Variants in TXNL4A observed in about 807,000 individuals in gnomAD.
The protein encoded by TXNL4A is thioredoxin like 4A.
In TXNL4A, 17 loss-of-function variants were observed where a neutral mutation model predicts 14.6. The ratio of observed to expected loss-of-function variants is 1.16; its 90% CI spans 0.80 to 1.74. The LOEUF (loss-of-function observed/expected upper bound fraction) is 1.74. Ranked by LOEUF, TXNL4A falls within the 40% of genes most tolerant of loss-of-function variation. The pLI is 0.00. For synonymous variants in TXNL4A, 83 were observed against 70.6 expected (o/e 1.18, Z -0.88); for missense variants, 74 against 195.2 (o/e 0.38, Z 3.70).
chr18:80,030,500 C>T (rs993845383), intron 1 of TXNL4A: 1 of 152,220 alleles, frequency 6.6e-6, no homozygotes, highest in Non-Finnish European at 1.5e-5. Context: ...ATAAGAACAC[C>T]TGCTTGATAT....
intron 1 of TXNL4A, among the ~76,000 whole-genome samples, chr18:80,022,681 G>T (rs2051857681): frequency 6.6e-6 from 1 of 152,180 alleles, no homozygotes; most frequent in Admixed American, 6.5e-5. Flanking sequence ...TCTAGAGAGT[G>T]GGAGACAAGG....
upstream of TXNL4A, among the ~76,000 whole-genome samples, chr18:79,990,631 C>A (rs1024782443): frequency 2.0e-5 from 3 of 152,214 alleles, no homozygotes; most frequent in African/African-American, 7.2e-5. Context: ...GCATTTTATT[C>A]ACAGGAGAGT....
intron 1 of TXNL4A, among the ~76,000 whole-genome samples, chr18:79,996,777 T>C (rs1336002453): frequency 8.5e-5 from 13 of 152,164 alleles, no homozygotes; most frequent in East Asian, 1.9e-4. Flanking sequence ...ACCTCGTCTC[T>C]AGTAAAAATA....
At chr18:80,025,513 A>G (rs1046294394) in intron 1 of TXNL4A, among the ~76,000 whole-genome samples, 2 of 152,224 alleles carry the variant, frequency 1.3e-5, no homozygotes, top group Non-Finnish European at 2.9e-5. Context: ...TCTCATCTGG[A>G]AGATGTAGAA....
intron 1 of TXNL4A, among the ~76,000 whole-genome samples, chr18:80,005,668 A>G (rs960232502): frequency 5.3e-5 from 8 of 152,350 alleles, no homozygotes; most frequent in East Asian, 3.9e-4. Context: ...TAATCCCAAC[A>G]CTTTGGGAGG....
intron 1 of TXNL4A, among the ~76,000 whole-genome samples, chr18:80,000,357 T>C (rs1171060384): frequency 2.0e-5 from 3 of 152,202 alleles, no homozygotes; most frequent in African/African-American, 7.2e-5. Flanking sequence ...AAGGTGACTC[T>C]TGCTATGTTT....
chr18:79,983,132 C>T (rs1035280345), intron 1 of TXNL4A, among the ~76,000 whole-genome samples: 1 of 152,110 alleles, frequency 6.6e-6, no homozygotes. Flanking sequence ...TCCCGAGTAG[C>T]TGGGATTACA....
Position 79,978,017 on chromosome 18 carries a change from C to T in TXNL4A, c.154-316G>A, listed in dbSNP as rs113594038. ...TCTTCAACATTTTTTCCCAGTGCAG[C>T]AAACACGCGGGAAGATCATGTGACA... On this transcript the variant is annotated intron_variant, in intron 1 of 2. Coordinates refer to ENST00000269601, the MANE Select transcript of TXNL4A (RefSeq NM_006701.5). The T allele has an allele frequency of 2.9e-3, 882 of 301,496 alleles. 7 individuals are homozygous for T. The highest frequency in any genetic ancestry group is 0.018 in the African/African-American group (814 of 46,462). The allele number at this position is 301,496 out of a possible 1,614,324, so 18.7% of individuals were successfully genotyped here.
chr18:79,986,371 G>A (rs8097542), intron 1 of TXNL4A, among the ~76,000 whole-genome samples: 2 of 152,012 alleles, frequency 1.3e-5, no homozygotes, highest in African/African-American at 2.4e-5. Context: ...TATAATATTC[G>A]CATTAAAAGT....
chr18:79,973,907 G>T (rs1378773931), intron 2 of TXNL4A, 51 bp from the exon 3 acceptor site: 2 of 1,589,030 alleles, frequency 1.3e-6, no homozygotes, highest in Non-Finnish European at 1.7e-6. Flanking sequence ...CTTTAAAAAA[G>T]AATTCCTTGA....
intron 1 of TXNL4A, among the ~76,000 whole-genome samples, chr18:79,986,133 G>A (rs994564771): frequency 2.0e-5 from 3 of 151,426 alleles, no homozygotes; most frequent in African/African-American, 7.3e-5. Flanking sequence ...TTGACTTCCC[G>A]GGCTCAGGTG....
chr18:80,000,943 G>A (rs976953366), intron 1 of TXNL4A, among the ~76,000 whole-genome samples: 1 of 152,120 alleles, frequency 6.6e-6, no homozygotes, highest in South Asian at 2.1e-4. Context: ...CGTGAGCAAG[G>A]AGCCAAATGT....
At chr18:80,014,961 G>A (rs2051797018) in intron 1 of TXNL4A, among the ~76,000 whole-genome samples, 1 of 152,234 alleles carries the variant, frequency 6.6e-6, no homozygotes, top group African/African-American at 2.4e-5. Context: ...GCCAAGGTTT[G>A]TGGCTTCCAG....
At chr18:79,991,198 T>G (rs1162844034), upstream of TXNL4A, among the ~76,000 whole-genome samples, 1 of 151,962 alleles carries the variant, frequency 6.6e-6, no homozygotes, top group Non-Finnish European at 1.5e-5. Context: ...TTCAGTGTTG[T>G]GGAACCAATA....
At chr18:79,996,121 A>AC (rs1213001042) in intron 1 of TXNL4A, among the ~76,000 whole-genome samples, 2 of 150,900 alleles carry the variant, frequency 1.3e-5, no homozygotes, top group Non-Finnish European at 1.5e-5. Context: ...AAAAAAAAAA[A>AC]AAAAAACGGC....
intron 1 of TXNL4A, among the ~76,000 whole-genome samples, chr18:80,000,420 T>G (rs1953916743): frequency 1.3e-5 from 2 of 152,196 alleles, no homozygotes; most frequent in Admixed American, 1.3e-4. Context: ...TGTGAAACTT[T>G]GAACTTGAGG....
At chr18:79,986,344 C>T (rs532131620) in intron 1 of TXNL4A, among the ~76,000 whole-genome samples, 2 of 152,204 alleles carry the variant, frequency 1.3e-5, no homozygotes, top group South Asian at 4.1e-4. Flanking sequence ...CTAGGTTTGC[C>T]CTTTTAATAA....
intron 1 of TXNL4A, among the ~76,000 whole-genome samples, chr18:80,024,567 A>G (rs1256004068): frequency 6.6e-6 from 1 of 152,198 alleles, no homozygotes; most frequent in Non-Finnish European, 1.5e-5. Context: ...GGAATCTTCC[A>G]TGCTGGAGAA....
chr18:79,985,991 C>G (rs2051541255), intron 1 of TXNL4A: 1 of 151,650 alleles, frequency 6.6e-6, no homozygotes, highest in Non-Finnish European at 1.5e-5. Flanking sequence ...TGCCCATAGA[C>G]TAAGAAGAAA....
Sources: gnomAD v4.1 joint callset for allele counts (sites outside exome capture counted in the v4.1 genomes callset) on GRCh38, gnomAD v4.1.1 for gene constraint, MANE v1.5 for transcripts, NCBI Gene and HGNC (gene_info 2026-07-23, HGNC 2026-07-21) for gene names.